The following LOXL3 variants were observed in gnomAD, a reference collection of about 807,000 sequenced individuals.
The protein encoded by LOXL3 is lysyl oxidase like 3.
A neutral mutation model predicts 91.8 loss-of-function variants in LOXL3; 60 were observed. That is an observed-to-expected ratio of 0.65 (90% CI 0.53 to 0.81). The LOEUF (loss-of-function observed/expected upper bound fraction) is 0.81. Among genes scored for constraint, LOXL3 ranks in the 30% least tolerant of loss-of-function variants. LOXL3 has a pLI of 0.00. For missense variants in LOXL3, 874 were observed against 1,000.4 expected (o/e 0.87, Z 1.70); for synonymous variants, 355 against 387.6 (o/e 0.92, Z 0.99).
chr2:74,550,032 G>A, intron 3 of LOXL3, 153 bp downstream of exon 3: 1 of 985,392 alleles, frequency 1.0e-6, no homozygotes, highest in African/African-American at 1.7e-5. Flanking sequence ...GGATTTTACA[G>A]CATCTGGGAG....
chr2:74,538,367 C>T (rs1328117741), intron 4 of LOXL3, among the ~76,000 whole-genome samples: 1 of 152,116 alleles, frequency 6.6e-6, no homozygotes, highest in Non-Finnish European at 1.5e-5. Context: ...ACCAGAGAAG[C>T]TGGGGAATGA....
At chr2:74,555,437 G>C, upstream of LOXL3, 2 of 1,609,668 alleles carry the variant, frequency 1.2e-6, no homozygotes, top group Non-Finnish European at 1.7e-6. This position sits in a 1 kb window ranked among gnomAD's most constrained non-coding sequence, Gnocchi z 6.1. Context: ...CAGACGCTGT[G>C]CCGAAACGCC....
At chr2:74,554,663 A>T (rs907684020), upstream of LOXL3, 3 of 1,274,366 alleles carry the variant, frequency 2.4e-6, no homozygotes, top group African/African-American at 4.5e-5. The surrounding 1 kb of genome is among the most constrained non-coding windows in gnomAD (Gnocchi z 4.9). Flanking sequence ...GGGGCCGGGG[A>T]GGGGCGGAAA....
intron 1 of LOXL3, among the ~76,000 whole-genome samples, chr2:74,553,407 A>C (rs1677155256): frequency 6.6e-6 from 1 of 152,184 alleles, no homozygotes. Flanking sequence ...GCCAGGCCTC[A>C]AGGCTGGGCG....
chr2:74,550,055 C>A, intron 3 of LOXL3, 130 bp downstream of exon 3: 1 of 1,476,872 alleles, frequency 6.8e-7, no homozygotes. Flanking sequence ...CTATCATTTG[C>A]TTTTCCAAGT....
At chr2:74,539,408 T>TG (rs926876851) in intron 4 of LOXL3, among the ~76,000 whole-genome samples, 6 of 149,210 alleles carry the variant, frequency 4.0e-5, no homozygotes, top group Non-Finnish European at 8.9e-5. Flanking sequence ...TCAATCCAGG[T>TG]GGGGGAGTTG....
At chr2:74,550,005 A>G (rs1676899119) in intron 3 of LOXL3, 180 bp downstream of exon 3, 19 of 985,376 alleles carry the variant, frequency 1.9e-5, no homozygotes, top group Non-Finnish European at 2.3e-5. Context: ...CTTGAATGTG[A>G]ATGCTAAAAA....
rs931928773 is a variant in LOXL3 at position 74,533,298 on chromosome 2, T to G, written c.*308A>C. ...GGAGCTGACCATCCTGACCTCCTAT[T>G]AAAGAAAATGAGCTGCTGCCATCTT... On this transcript the variant is annotated 3_prime_UTR_variant, in exon 14 of 14. Coordinates refer to ENST00000264094, the MANE Select transcript of LOXL3 (RefSeq NM_032603.5). 1.9e-6 allele frequency: 1 copy of G among 530,768 alleles called. No individual in the cohort carries two copies. The highest frequency in any genetic ancestry group is 1.9e-5 in the African/African-American group (1 of 52,628). 32.9% of individuals were successfully genotyped at this position (530,768 alleles called of 1,614,324 possible).
intron 4 of LOXL3, among the ~76,000 whole-genome samples, chr2:74,546,033 GC>G (rs1676567594): frequency 6.6e-6 from 1 of 152,118 alleles, no homozygotes; most frequent in South Asian, 2.1e-4. Context: ...GTCAGGTGAG[GC>G]CAATTTCTTA....
rs1255848888 is a variant in LOXL3 at position 74,553,889 on chromosome 2, G to A, written c.-26C>T. 6.6e-6 allele frequency: 1 copy of A among 150,914 alleles called. No individual in the cohort carries two copies. Among genetic ancestry groups the A allele is most frequent in the Non-Finnish European group, 1.5e-5 (1 of 68,032 alleles). 9.3% of individuals were successfully genotyped at this position (150,914 alleles called of 1,614,324 possible). A position where few individuals can be genotyped will look rare whatever the true frequency, so the allele number is the denominator to read the frequency against. ...GACTCCCCCTACCTTGGCCGAGCAG[G>A]ACCCTAAGGGCTGGGAGAAGAGTGC... is the stretch of plus-strand genomic sequence containing the variant. On this transcript the variant is annotated 5_prime_UTR_variant, in exon 1 of 14. Transcript: ENST00000264094.
In LOXL3 at chr2:74,533,410, C is replaced by A; in HGVS notation, c.*196G>T. The A allele has an allele frequency of 1.7e-6, 1 of 587,466 alleles. No homozygotes were observed. Among genetic ancestry groups the A allele is most frequent in the Non-Finnish European group, 3.0e-6 (1 of 329,562 alleles). 36.4% of individuals were successfully genotyped at this position (587,466 alleles called of 1,614,324 possible). ...GGTGCTGGGCCTGGGAGCAAAGATT[C>A]CCATGCTTGGCTACAGATACTGACA... On this transcript the variant is annotated 3_prime_UTR_variant, in exon 14 of 14. Transcript: ENST00000264094.
rs1339553328 is a variant in LOXL3, at chr2:74,536,057, C to A, written c.1187G>T (p.Cys396Phe). Residue 396 changes from cysteine (C) to phenylalanine (F), a missense_variant, in exon 7 of 14, where the codon TGT (cysteine) becomes TTT (phenylalanine). Transcript: ENST00000264094. The surrounding 1 kb of genome is among the most constrained non-coding windows in gnomAD (Gnocchi z 4.5). ...CPHKNITAEDCSHSQDAGVRC... is the reference protein window; with the variant it reads ...CPHKNITAEDFSHSQDAGVRC... ...GACCCCGGCATCCTGGCTATGTGAACAATCCTCAGCTGTGATGTTCTTGTG... is the reference window on the plus strand; with the variant it reads ...GACCCCGGCATCCTGGCTATGTGAAAAATCCTCAGCTGTGATGTTCTTGTG... 1 of 1,610,770 alleles carries A rather than the reference C, an allele frequency of 6.2e-7. No individual in the cohort carries two copies. The highest frequency in any genetic ancestry group is 8.5e-7 in the Non-Finnish European group (1 of 1,178,498).
intron 1 of LOXL3, 92 bp downstream of exon 1, chr2:74,553,784 G>C (rs1212003884): frequency 2.0e-5 from 3 of 152,442 alleles, no homozygotes; most frequent in Admixed American, 6.5e-5. Flanking sequence ...GCTTCCCCTC[G>C]ACTCCATCCC....
In LOXL3 at chr2:74,534,256, T is replaced by A; in HGVS notation, c.1940-20A>T. 1.2e-6 allele frequency: 2 copies of A among 1,614,200 alleles called. No homozygotes were observed. Among genetic ancestry groups the A allele is most frequent in the South Asian group, 2.2e-5 (2 of 91,076 alleles). ...AGACATCTGGAGGGATTGGCATATGTCAGTGTAAGGAAAGGCTGTGCAATG... is the reference window on the plus strand; with the variant it reads ...AGACATCTGGAGGGATTGGCATATGACAGTGTAAGGAAAGGCTGTGCAATG... On this transcript the variant is annotated intron_variant, in intron 11 of 13. Coordinates refer to ENST00000264094, the MANE Select transcript of LOXL3 (RefSeq NM_032603.5).
Position 74,536,808 on chromosome 2 carries a change from G to A in LOXL3, c.813C>T (p.Cys271=), listed in dbSNP as rs773146109. The stretch of plus-strand genomic sequence containing the variant: ...TCACCACTGCAGGGCCCCCCCCAGG[G>A]CACCTGGCGGTGTCATTGGCACGAT... The part of the protein sequence containing the change: ...EFYRANDTAR[C]PGGGPAVVSC... Residue 271 remains cysteine, a synonymous_variant, in exon 5 of 14, where the codon TGC becomes TGT. Transcript: ENST00000264094. The surrounding 1 kb of genome is among the most constrained non-coding windows in gnomAD (Gnocchi z 4.5). 2 of 1,614,244 alleles carry A rather than the reference G, an allele frequency of 1.2e-6. No individual in the cohort carries two copies. The highest frequency in any genetic ancestry group is 2.2e-5 in the South Asian group (2 of 91,090).
upstream of LOXL3, chr2:74,555,655 C>T (rs770029479): frequency 1.9e-6 from 3 of 1,614,042 alleles, no homozygotes; most frequent in Non-Finnish European, 2.5e-6. This position sits in a 1 kb window ranked among gnomAD's most constrained non-coding sequence, Gnocchi z 6.1. Context: ...CCTTGTACAG[C>T]CCTACCTGGG....
Position 74,533,508 on chromosome 2 carries a change from G to T in LOXL3, c.*98C>A, listed in dbSNP as rs1675777934. 1.9e-6 allele frequency: 2 copies of T among 1,027,024 alleles called. No individual in the cohort carries two copies. Among genetic ancestry groups the T allele is most frequent in the South Asian group, 2.8e-5 (2 of 72,138 alleles). 63.6% of individuals were successfully genotyped at this position (1,027,024 alleles called of 1,614,324 possible). On this transcript the variant is annotated 3_prime_UTR_variant, in exon 14 of 14. Coordinates refer to ENST00000264094, the MANE Select transcript of LOXL3 (RefSeq NM_032603.5). ...CCATAGTGCATGGTCTGATGAGTGC[G>T]GTTGCTGACATGGGTTTCTTGGTAA...
upstream of LOXL3, chr2:74,554,407 T>TAAAAAA: frequency 3.4e-6 from 1 of 293,412 alleles, no homozygotes; most frequent in Non-Finnish European, 6.4e-6. The surrounding 1 kb of genome is among the most constrained non-coding windows in gnomAD (Gnocchi z 4.9). Flanking sequence ...CGGGGCGCTT[T>TAAAAAA]CGGGGTGATG....
upstream of LOXL3, chr2:74,555,139 TC>T (rs751436681): frequency 5.6e-6 from 9 of 1,601,994 alleles, no homozygotes; most frequent in Non-Finnish European, 7.7e-6. The surrounding 1 kb of genome is among the most constrained non-coding windows in gnomAD (Gnocchi z 6.1). Context: ...TCGAGCACTC[TC>T]TCTCTCTCCC....
Sources: allele counts gnomAD v4.1 joint callset (sites outside exome capture counted in the v4.1 genomes callset), GRCh38; gene constraint gnomAD v4.1.1; non-coding constraint Gnocchi (gnomAD v3.1); transcripts MANE v1.5; gene names NCBI Gene and HGNC (gene_info 2026-07-23, HGNC 2026-07-21).